The following SLC30A8 variants were observed in gnomAD, a reference collection of about 807,000 sequenced individuals.
SLC30A8 encodes solute carrier family 30 member 8, also known as proton-coupled zinc antiporter SLC30A8.
A neutral mutation model predicts 36.9 loss-of-function variants in SLC30A8; 27 were observed. The ratio of observed to expected loss-of-function variants is 0.73; its 90% confidence interval spans 0.54 to 1.01. SLC30A8 has a LOEUF of 1.01. Ranked by LOEUF, SLC30A8 falls within the 50% of genes least tolerant of loss-of-function variation. The pLI is 0.00. For missense variants in SLC30A8, 439 were observed against 452.0 expected (o/e 0.97, Z 0.26); for synonymous variants, 164 against 172.4 (o/e 0.95, Z 0.38).
At chr8:117,055,156 A>T (rs1392778841) in intron 2 of SLC30A8, among the ~76,000 whole-genome samples, 1 of 152,212 alleles carries the variant, frequency 6.6e-6, no homozygotes, top group African/African-American at 2.4e-5. Flanking sequence ...CTCTCCAGGG[A>T]GCAGAGCTCA....
chr8:117,031,009 A>C (rs1232363221), intron 1 of SLC30A8, among the ~76,000 whole-genome samples: 1 of 152,206 alleles, frequency 6.6e-6, no homozygotes, highest in African/African-American at 2.4e-5. Flanking sequence ...ACTAACAACA[A>C]CAACAAAAAT....
intron 2 of SLC30A8, among the ~76,000 whole-genome samples, chr8:117,048,971 C>T (rs1405421896): frequency 6.6e-6 from 1 of 152,162 alleles, no homozygotes; most frequent in Non-Finnish European, 1.5e-5. Flanking sequence ...CAATTTCTAC[C>T]AATGTTGGCA....
intron 3 of SLC30A8, among the ~76,000 whole-genome samples, chr8:117,155,077 A>G (rs1395590763): frequency 1.3e-5 from 2 of 152,172 alleles, no homozygotes; most frequent in Non-Finnish European, 2.9e-5. Flanking sequence ...ATTCATACGC[A>G]ACACACCCAT....
chr8:117,059,024 CAG>C (rs944149796), intron 2 of SLC30A8, among the ~76,000 whole-genome samples: 11 of 138,822 alleles, frequency 7.9e-5, no homozygotes, highest in African/African-American at 3.3e-4. Flanking sequence ...AAATGTGTGA[CAG>C]AAATTTCATA....
intron 1 of SLC30A8, among the ~76,000 whole-genome samples, chr8:116,985,958 G>C (rs1229727942): frequency 2.0e-5 from 3 of 152,100 alleles, no homozygotes; most frequent in African/African-American, 4.8e-5. Context: ...TAAAAAAGAT[G>C]CTTCTGAAAC....
At chr8:117,027,981 T>C (rs528577470) in intron 1 of SLC30A8, among the ~76,000 whole-genome samples, 8 of 152,318 alleles carry the variant, frequency 5.3e-5, no homozygotes, top group African/African-American at 1.4e-4. Context: ...ATTAAGATAT[T>C]TACAAAGAAT....
intron 2 of SLC30A8, among the ~76,000 whole-genome samples, chr8:117,091,169 T>C (rs1489355300): frequency 6.6e-6 from 1 of 152,190 alleles, no homozygotes; most frequent in East Asian, 1.9e-4. Flanking sequence ...TTGCTAGCTC[T>C]TCATGGTGTA....
At chr8:117,018,506 A>G (rs1264078037) in intron 1 of SLC30A8, among the ~76,000 whole-genome samples, 1 of 152,118 alleles carries the variant, frequency 6.6e-6, no homozygotes, top group Non-Finnish European at 1.5e-5. Flanking sequence ...GGTTGGCGCC[A>G]CCATGTTTGG....
intron 2 of SLC30A8, among the ~76,000 whole-genome samples, chr8:117,062,932 C>T (rs767009266): frequency 6.6e-6 from 1 of 152,190 alleles, no homozygotes; most frequent in Admixed American, 6.5e-5. Flanking sequence ...TTGGAATCCT[C>T]ACTTAAAACA....
rs189992715 is a variant in SLC30A8 at position 117,022,433 on chromosome 8, G to A, written c.-265-16786G>A. Reference sequence around the variant, plus strand: ...AACAGGCAAAAAAGAGGTCTGGTATGAATGACCTTTAGTGTCCCTCTTATA... The same window carrying A: ...AACAGGCAAAAAAGAGGTCTGGTATAAATGACCTTTAGTGTCCCTCTTATA... On this transcript the variant is annotated intron_variant, in intron 1 of 10. Transcript: ENST00000427715. Among the ~76,000 whole-genome samples the A allele has an allele frequency of 7.2e-5, 11 of 152,270 alleles. No homozygotes were observed. In the East Asian group the frequency reaches 1.2e-3, roughly 16 times the overall value.
chr8:116,996,144 C>T (rs1165534833), intron 1 of SLC30A8, among the ~76,000 whole-genome samples: 1 of 152,166 alleles, frequency 6.6e-6, no homozygotes, highest in Non-Finnish European at 1.5e-5. Context: ...CCCAGTTAGT[C>T]GCTACCCATG....
At position 117,172,712 on chromosome 8, in the gene SLC30A8, A is replaced by T; in HGVS notation, c.*31A>T. 6.2e-7 allele frequency: 1 copy of T among 1,612,116 alleles called. No individual in the cohort carries two copies. The highest frequency in any genetic ancestry group is 8.5e-7 in the Non-Finnish European group (1 of 1,178,488). ...TCACACCGTCAGTTTCCCAAATTTG[A>T]CAGGCCACCTTCAAACATGCTGCTA... On this transcript the variant is annotated 3_prime_UTR_variant, in exon 8 of 8. Transcript: ENST00000456015.
intron 1 of SLC30A8, among the ~76,000 whole-genome samples, chr8:117,038,642 A>G (rs1817290265): frequency 6.6e-6 from 1 of 152,240 alleles, no homozygotes; most frequent in Non-Finnish European, 1.5e-5. Flanking sequence ...AAATCACTAG[A>G]GGTGGAAGTG....
chr8:117,064,935 C>T (rs1476818501), intron 2 of SLC30A8, among the ~76,000 whole-genome samples: 2 of 152,134 alleles, frequency 1.3e-5, no homozygotes, highest in East Asian at 1.9e-4. Flanking sequence ...TGAAGCGTTC[C>T]CTCTACTATC....
At chr8:117,135,488 C>T (rs1821320196) in intron 1 of SLC30A8, 90 bp downstream of exon 1, 2 of 960,188 alleles carry the variant, frequency 2.1e-6, no homozygotes, top group Non-Finnish European at 3.0e-6. Context: ...TAGGCCTTTA[C>T]TCTGCAACTT....
intron 1 of SLC30A8, among the ~76,000 whole-genome samples, chr8:116,973,637 C>T (rs1451471145): frequency 6.6e-6 from 1 of 152,124 alleles, no homozygotes; most frequent in Non-Finnish European, 1.5e-5. Context: ...AGATTCAGTG[C>T]CATCCCCATC....
At chr8:117,074,222 T>C (rs1046306797) in intron 2 of SLC30A8, among the ~76,000 whole-genome samples, 2 of 152,202 alleles carry the variant, frequency 1.3e-5, no homozygotes, top group Non-Finnish European at 2.9e-5. Context: ...TGTTTCTAAG[T>C]GATTAGATTT....
chr8:117,173,793 A>C lies in SLC30A8; in HGVS notation c.*1112A>C, dbSNP rs1823521161. Reference sequence around the variant, plus strand: ...CATAGTCTAGAAGATTGTCAACCACAGGAGTTCATTGAGTGGGACAGCTAG... The same window carrying C: ...CATAGTCTAGAAGATTGTCAACCACCGGAGTTCATTGAGTGGGACAGCTAG... On this transcript the variant is annotated 3_prime_UTR_variant, in exon 8 of 8. Transcript: ENST00000456015. The C allele has an allele frequency of 1.3e-5, 2 of 152,166 alleles. No homozygotes were observed. Among genetic ancestry groups the C allele is most frequent in the Admixed American group, 1.3e-4 (2 of 15,270 alleles). 9.4% of individuals were successfully genotyped at this position (152,166 alleles called of 1,614,324 possible).
At chr8:117,074,181 A>G (rs1818421071) in intron 2 of SLC30A8, among the ~76,000 whole-genome samples, 1 of 150,770 alleles carries the variant, frequency 6.6e-6, no homozygotes, top group Non-Finnish European at 1.5e-5. Flanking sequence ...TGTGTTTGTT[A>G]TGATTTTAGT....
Sources: allele counts gnomAD v4.1 joint callset (sites outside exome capture counted in the v4.1 genomes callset), GRCh38; gene constraint gnomAD v4.1.1; transcripts MANE v1.5; gene names NCBI Gene and HGNC (gene_info 2026-07-23, HGNC 2026-07-21).